Variants in PCDHA11 observed in about 807,000 individuals in gnomAD.
The protein encoded by PCDHA11 is protocadherin alpha-11.
A neutral mutation model predicts 70.3 loss-of-function variants in PCDHA11; 61 were observed. The ratio of observed to expected loss-of-function variants is 0.87; its 90% CI spans 0.71 to 1.07. The LOEUF (loss-of-function observed/expected upper bound fraction) is 1.07. Ranked by LOEUF, PCDHA11 falls within the 50% of genes least tolerant of loss-of-function variation. The pLI, the probability that PCDHA11 is intolerant of heterozygous loss-of-function variation, is 0.00. For missense variants in PCDHA11, 1,324 were observed against 1,237.5 expected (o/e 1.07, Z -1.05); for synonymous variants, 633 against 555.1 (o/e 1.14, Z -1.97).
intron 3 of PCDHA11, among the ~76,000 whole-genome samples, chr5:140,998,111 T>A (rs1224150326): frequency 1.3e-5 from 2 of 152,108 alleles, no homozygotes; most frequent in African/African-American, 4.8e-5. Flanking sequence ...GAGGAGAAAA[T>A]TTACTTGTGA....
At chr5:140,966,937 C>A in intron 1 of PCDHA11, 1 of 1,604,032 alleles carries the variant, frequency 6.2e-7, no homozygotes. Context: ...CCGGCGCGCT[C>A]GTGGGCAACG....
chr5:140,948,912 C>A (rs1038670333), intron 1 of PCDHA11, among the ~76,000 whole-genome samples: 1 of 150,924 alleles, frequency 6.6e-6, no homozygotes, highest in Non-Finnish European at 1.5e-5. Context: ...TCTTAGGTAA[C>A]TGATTAGGTA....
At chr5:140,882,675 G>A in intron 1 of PCDHA11, 1 of 1,614,218 alleles carries the variant, frequency 6.2e-7, no homozygotes, top group Non-Finnish European at 8.5e-7. Context: ...TTCCCTGAAA[G>A]CAAGAAACGA....
chr5:140,976,395 T>G (rs973484895), intron 1 of PCDHA11, among the ~76,000 whole-genome samples: 1 of 151,734 alleles, frequency 6.6e-6, no homozygotes, highest in Middle Eastern at 3.4e-3. Flanking sequence ...TACTAAAAAT[T>G]CAAAAATTAG....
chr5:140,952,712 C>A (rs567610262), intron 1 of PCDHA11, among the ~76,000 whole-genome samples: 3 of 152,298 alleles, frequency 2.0e-5, no homozygotes, highest in Middle Eastern at 3.4e-3. Context: ...CTCTCAGTAT[C>A]AATTTTCTGT....
intron 1 of PCDHA11, chr5:140,884,656 G>C (rs782439139): frequency 1.9e-6 from 3 of 1,602,178 alleles, no homozygotes; most frequent in Admixed American, 1.7e-5. Context: ...CAGAATGCTT[G>C]AAAGAGGTAA....
chr5:140,925,455 T>TTG, intron 1 of PCDHA11, among the ~76,000 whole-genome samples: 1 of 152,222 alleles, frequency 6.6e-6, no homozygotes, highest in East Asian at 1.9e-4. Flanking sequence ...GGTGTATCTG[T>TTG]TGTGGCTCAG....
In PCDHA11 at chr5:140,928,306, C is replaced by T. The variant is rs782598364; in HGVS notation, c.2392-50643C>T. 7.6e-5 allele frequency: 122 copies of T among 1,613,984 alleles called. No individual in the cohort carries two copies. The highest frequency in any genetic ancestry group is 1.8e-4 in the Admixed American group (11 of 60,002). ...TCTAGGCCGAGTGTTTGCCCAGGAC[C>T]CCGACCTGGGGAAGAATGGCCTTGT... is the stretch of plus-strand genomic sequence containing the variant. On this transcript the variant is annotated intron_variant, in intron 1 of 3. Coordinates refer to ENST00000398640, the MANE Select transcript of PCDHA11 (RefSeq NM_018902.5).
In PCDHA11 at chr5:140,869,322, C is replaced by A. The variant is rs1169893950; in HGVS notation, c.219C>A (p.Asp73Glu). 7.4e-6 allele frequency: 12 copies of A among 1,613,702 alleles called. No homozygotes were observed. The highest frequency in any genetic ancestry group is 1.0e-5 in the Non-Finnish European group (12 of 1,180,022). The part of the protein sequence containing the change: ...LFRVASKTHG[D>E]LLEVNLQNGI... ...GGGTGGCGTCCAAAACACATGGGGA[C>A]CTTCTGGAGGTAAATCTGCAGAATG... Residue 73 changes from aspartate (D) to glutamate (E), a missense_variant, in exon 1 of 4, where the codon GAC becomes GAA. By Grantham distance (45) the Asp-to-Glu change is conservative (BLOSUM62 2). Coordinates refer to ENST00000398640, the MANE Select transcript of PCDHA11 (RefSeq NM_018902.5).
Position 140,870,257 on chromosome 5 carries a change from C to A in PCDHA11, c.1154C>A (p.Thr385Asn). Residue 385 changes from threonine (T) to asparagine (N), a missense_variant, in exon 1 of 4, where the codon ACC (threonine) becomes AAC (asparagine). Transcript: ENST00000398640. The stretch of plus-strand genomic sequence containing the variant: ...GACTCAGGTGTCAACGGACAGGTGA[C>A]CTGCTCGCTGACGCCCCACGTTCCC... ...DRDSGVNGQV[T>N]CSLTPHVPFK... 2 of 1,614,172 alleles carry A rather than the reference C, an allele frequency of 1.2e-6. No individual in the cohort carries two copies. Among genetic ancestry groups the A allele is most frequent in the African/African-American group, 1.3e-5 (1 of 75,044 alleles).
intron 1 of PCDHA11, among the ~76,000 whole-genome samples, chr5:140,898,963 G>A (rs1411271866): frequency 6.6e-6 from 1 of 152,070 alleles, no homozygotes; most frequent in Non-Finnish European, 1.5e-5. Context: ...TTGTGAATGG[G>A]AGTTCACTCA....
intron 1 of PCDHA11, among the ~76,000 whole-genome samples, chr5:140,948,785 G>T (rs2094304738): frequency 6.6e-6 from 1 of 151,242 alleles, no homozygotes; most frequent in South Asian, 2.1e-4. Flanking sequence ...TTTTGGCTTT[G>T]TTGATATATT....
chr5:140,882,856 G>A (rs1352769264), intron 1 of PCDHA11: 1 of 1,614,098 alleles, frequency 6.2e-7, no homozygotes, highest in African/African-American at 1.3e-5. Context: ...CACTTGTACT[G>A]AGGAAAACAC....
At chr5:140,895,912 A>G (rs1215168324) in intron 1 of PCDHA11, among the ~76,000 whole-genome samples, 1 of 152,146 alleles carries the variant, frequency 6.6e-6, no homozygotes, top group African/African-American at 2.4e-5. Context: ...CCCGGGCTCA[A>G]CAATTATCCT....
At chr5:140,897,993 A>G (rs2066447415) in intron 1 of PCDHA11, among the ~76,000 whole-genome samples, 1 of 152,184 alleles carries the variant, frequency 6.6e-6, no homozygotes, top group African/African-American at 2.4e-5. Flanking sequence ...TCTTCTTTTG[A>G]GAAGTGTCTG....
intron 1 of PCDHA11, 44 bp downstream of exon 1, chr5:140,871,538 A>G: frequency 6.6e-7 from 1 of 1,507,314 alleles, no homozygotes; most frequent in Non-Finnish European, 8.9e-7. Context: ...TGTATGTGAA[A>G]TTATTTAAAA....
At chr5:140,901,941 T>C (rs1350790379) in intron 1 of PCDHA11, among the ~76,000 whole-genome samples, 3 of 152,110 alleles carry the variant, frequency 2.0e-5, no homozygotes, top group African/African-American at 7.2e-5. Flanking sequence ...CTAGGTATAT[T>C]TAGTTTTATT....
rs782478328 is a variant in PCDHA11, at chr5:140,869,835, A to T, written c.732A>T (p.Lys244Asn). Residue 244 changes from lysine to asparagine, a missense_variant, in exon 1 of 4, where the codon AAA (lysine) becomes AAT (asparagine). Transcript: ENST00000398640. ...DVNDNDPEFD[K>N]SEYKVSLMEN... is the part of the protein sequence containing the mutation. Reference sequence around the variant, plus strand: ...ACGACAATGATCCAGAGTTTGATAAATCAGAATATAAGGTGAGCCTTATGG... The same window carrying T: ...ACGACAATGATCCAGAGTTTGATAATTCAGAATATAAGGTGAGCCTTATGG... The T allele has an allele frequency of 1.2e-6, 2 of 1,611,774 alleles. No individual in the cohort carries two copies. Among genetic ancestry groups the T allele is most frequent in the South Asian group, 2.2e-5 (2 of 90,828 alleles).
At position 141,009,895 on chromosome 5, in the gene PCDHA11, A is replaced by G; in HGVS notation, c.2808A>G (p.Lys936=). ...AGAAGGGTAACAAGACCCAGGAGAA[A>G]AAAGAGAAAGGGAACAGCACGACTG... ...KKKKGNKTQE[K]KEKGNSTTDN... The change falls in exon 4 of 4, where the codon AAA becomes AAG. Residue 936 remains lysine (K), a synonymous_variant. Coordinates refer to ENST00000398640, the MANE Select transcript of PCDHA11 (RefSeq NM_018902.5). 2 of 1,613,224 alleles carry G rather than the reference A, an allele frequency of 1.2e-6. No homozygotes were observed. Among genetic ancestry groups the G allele is most frequent in the Non-Finnish European group, 1.7e-6 (2 of 1,179,866 alleles).
Sources: gnomAD v4.1 joint callset for allele counts (sites outside exome capture counted in the v4.1 genomes callset) on GRCh38, gnomAD v4.1.1 for gene constraint, MANE v1.5 for transcripts, NCBI Gene and HGNC (gene_info 2026-07-23, HGNC 2026-07-21) for gene names.